TPCN2: variants seen among roughly 807,000 people sequenced by gnomAD.
TPCN2 encodes the protein two pore segment channel 2, also known as two pore channel protein 2.
In TPCN2, 92 loss-of-function variants were observed where a neutral mutation model predicts 111.4. The observed-to-expected ratio is 0.83, with a 90% CI of 0.70 to 0.98. The LOEUF (loss-of-function observed/expected upper bound fraction) is 0.98, where lower values mean the gene tolerates loss of function less well. TPCN2 is among the 50% of genes least tolerant of loss of function. The pLI is 0.00. For missense variants in TPCN2, 995 were observed against 980.1 expected (o/e 1.02, Z -0.20); for synonymous variants, 405 against 414.5 (o/e 0.98, Z 0.28).
Position 69,086,589 on chromosome 11 carries a change from G to A in TPCN2, c.2070G>A (p.Leu690=), listed in dbSNP as rs1293992632. ...VSSVIWVNLF[L]ALILENFLHK... ...CTGTCATCTGGGTCAACCTGTTTCT[G>A]GCCCTGATTCTGGAGGTATCAGAGA... Residue 690 remains leucine, a synonymous_variant, in exon 23 of 25, where the codon CTG becomes CTA. Coordinates refer to ENST00000294309, the MANE Select transcript of TPCN2 (RefSeq NM_139075.4). 1 of 1,614,040 alleles carries A rather than the reference G, an allele frequency of 6.2e-7. No homozygotes were observed.
At chr11:69,086,386 A>G in intron 22 of TPCN2, 137 bp from the exon 23 acceptor site, 1 of 736,062 alleles carries the variant, frequency 1.4e-6, no homozygotes, top group Non-Finnish European at 2.4e-6. Flanking sequence ...TGAGATGGAA[A>G]TAGTAACGCG....
Position 69,051,427 on chromosome 11 carries a change from A to G in TPCN2, c.109+2321A>G, listed in dbSNP as rs1197832693. On this transcript the variant is annotated intron_variant, in intron 1 of 24. Transcript: ENST00000294309. Reference sequence around the variant, plus strand: ...GTCATTCAGTCTGTACTTAGCTCCTATTGGGTGGGGGTCCATGAGGACCTG... The same window carrying G: ...GTCATTCAGTCTGTACTTAGCTCCTGTTGGGTGGGGGTCCATGAGGACCTG... 2.6e-5 allele frequency among the ~76,000 whole-genome samples: 4 copies of G among 152,296 alleles called. No individual in the cohort carries two copies. In the East Asian group the frequency reaches 7.7e-4, roughly 29 times the overall value.
At position 69,057,690 on chromosome 11, in the gene TPCN2, A is replaced by C. The variant is rs201454554; in HGVS notation, c.542A>C (p.His181Pro). 1 of 1,613,826 alleles carries C rather than the reference A, an allele frequency of 6.2e-7. No homozygotes were observed. Among genetic ancestry groups the C allele is most frequent in the African/African-American group, 1.3e-5 (1 of 74,922 alleles). The change falls in exon 5 of 25, where the codon CAT (histidine) becomes CCT (proline). Residue 181 changes from histidine to proline, a missense_variant. Physicochemically the swap from His to Pro is moderately conservative, Grantham distance 77. Coordinates refer to ENST00000294309, the MANE Select transcript of TPCN2 (RefSeq NM_139075.4). ...DWTVSLSLVC[H>P]EPLRIRRLLR... ...ACCGTGTCCCTGAGTCTCGTGTGTC[A>C]TGAGGTAGGTGGTGAGGCAGCCCTG...
At chr11:69,087,266 G>C (rs1334130797) in intron 24 of TPCN2, 60 bp downstream of exon 24, 3 of 1,501,798 alleles carry the variant, frequency 2.0e-6, no homozygotes, top group Non-Finnish European at 2.8e-6. Context: ...CAAGAGCTGG[G>C]GGGTGGAGGG....
rs1480091045 is a variant in TPCN2, at chr11:69,079,860, G to T, written c.1566G>T (p.Val522=). 1 of 1,613,802 alleles carries T rather than the reference G, an allele frequency of 6.2e-7. No individual in the cohort carries two copies. The highest frequency in any genetic ancestry group is 1.7e-5 in the Admixed American group (1 of 60,006). ...LLVLEISTLA[V]YRLPHPGWRP... ...TTTTGGAGATCTCAACTCTGGCTGTGTACCGATTGCCACACCCAGGCTGGT... is the reference window on the plus strand; with the variant it reads ...TTTTGGAGATCTCAACTCTGGCTGTTTACCGATTGCCACACCCAGGCTGGT... The change falls in exon 17 of 25, where the codon GTG becomes GTT. Residue 522 remains valine (V), a synonymous_variant. Transcript: ENST00000294309.
rs1224181901 is a variant in TPCN2 at position 69,089,307 on chromosome 11, A to G, written c.*1354A>G. On this transcript the variant is annotated 3_prime_UTR_variant, in exon 25 of 25. Coordinates refer to ENST00000294309, the MANE Select transcript of TPCN2 (RefSeq NM_139075.4). ...GCAAACTTGGAGAAAAGTTGTAAGC[A>G]CAGTAAAGAGAAGCTTCCTTCTGAG... 1 of 152,234 alleles carries G rather than the reference A, an allele frequency of 6.6e-6. No homozygotes were observed. The highest frequency in any genetic ancestry group is 1.5e-5 in the Non-Finnish European group (1 of 68,052). 9.4% of individuals were successfully genotyped at this position (152,234 alleles called of 1,614,324 possible). A position where few individuals can be genotyped will look rare whatever the true frequency, so the allele number is the denominator to read the frequency against.
In TPCN2 at chr11:69,054,594, C is replaced by T. The variant is rs563315890; in HGVS notation, c.175-127C>T. The stretch of plus-strand genomic sequence containing the variant: ...GATGGGTCAGGGCTGGCCATGTCCA[C>T]ACGCTGAAGCGTCCCCTGTGATCCA... On this transcript the variant is annotated intron_variant, in intron 2 of 24. Transcript: ENST00000294309. 385 of 876,984 alleles carry T rather than the reference C, an allele frequency of 4.4e-4. No homozygotes were observed. The Middle Eastern group carries it at 4.6e-3, about 11-fold the overall frequency. 54.3% of individuals were successfully genotyped at this position (876,984 alleles called of 1,614,324 possible).
intron 5 of TPCN2, among the ~76,000 whole-genome samples, chr11:69,059,802 G>A (rs1854939570): frequency 6.6e-6 from 1 of 152,234 alleles, no homozygotes; most frequent in South Asian, 2.1e-4. Flanking sequence ...ACAGATGAGC[G>A]ATGGTTGTGG....
intron 3 of TPCN2, 136 bp downstream of exon 3, chr11:69,054,933 C>T (rs574320509): frequency 1.1e-6 from 1 of 942,884 alleles, no homozygotes. Context: ...TTACCATCAT[C>T]CTCTCTGGAA....
intron 13 of TPCN2, among the ~76,000 whole-genome samples, chr11:69,073,334 C>T (rs1178495012): frequency 6.6e-6 from 1 of 152,242 alleles, no homozygotes; most frequent in Non-Finnish European, 1.5e-5. Flanking sequence ...AAGGCCTTTG[C>T]CTTTCACCCT....
chr11:69,085,343 G>GGGGGGGGGGGGGGT, intron 20 of TPCN2, 57 bp downstream of exon 20: 1 of 581,896 alleles, frequency 1.7e-6, no homozygotes, highest in Non-Finnish European at 3.4e-6. Flanking sequence ...GGGTGGGCGG[G>GGGGGGGGGGGGGGT]AAGCCTTGGC....
intron 13 of TPCN2, 44 bp downstream of exon 13, chr11:69,073,045 C>CCA (rs1855606337): frequency 7.1e-7 from 1 of 1,411,406 alleles, no homozygotes; most frequent in Non-Finnish European, 1.0e-6. Flanking sequence ...TGGGGGCCTT[C>CCA]CAGTTTCCCC....
Position 69,055,346 on chromosome 11 carries a change from T to A in TPCN2, c.423T>A (p.Ser141=). 6.2e-7 allele frequency: 1 copy of A among 1,607,598 alleles called. No homozygotes were observed. The highest frequency in any genetic ancestry group is 8.5e-7 in the Non-Finnish European group (1 of 1,178,102). ...TGCTGGTCTTTGCGGCCGACCTCTC[T>A]GTGAAGGTGAGGCGGGCGCCAGGCC... ...LCLLVFAADL[S]VKGYLFGWAH... The change falls in exon 4 of 25, where the codon TCT becomes TCA. Residue 141 remains serine, a synonymous_variant. Transcript: ENST00000294309.
chr11:69,083,663 G>GTGA (rs2134637785), intron 18 of TPCN2, among the ~76,000 whole-genome samples: 1 of 152,310 alleles, frequency 6.6e-6, no homozygotes, highest in African/African-American at 2.4e-5. Flanking sequence ...GAGTGGGTGA[G>GTGA]TGAGTGCGTG....
chr11:69,088,842 C>G lies in TPCN2; in HGVS notation c.*889C>G, dbSNP rs910954086. ...GGTTTTCTCACTTCAGGGGCCAACCCACGCCCCCTTTCTGCTGAGGTTTGG... is the reference window on the plus strand; with the variant it reads ...GGTTTTCTCACTTCAGGGGCCAACCGACGCCCCCTTTCTGCTGAGGTTTGG... On this transcript the variant is annotated 3_prime_UTR_variant, in exon 25 of 25. Coordinates refer to ENST00000294309, the MANE Select transcript of TPCN2 (RefSeq NM_139075.4). 3.9e-5 allele frequency: 6 copies of G among 152,158 alleles called. No individual in the cohort carries two copies. The highest frequency in any genetic ancestry group is 1.4e-4 in the African/African-American group (6 of 41,394). 9.4% of individuals were successfully genotyped at this position (152,158 alleles called of 1,614,324 possible). A position where few individuals can be genotyped will look rare whatever the true frequency, so the allele number is the denominator to read the frequency against.
chr11:69,067,970 G>A (rs1855346920), intron 8 of TPCN2, among the ~76,000 whole-genome samples: 1 of 152,196 alleles, frequency 6.6e-6, no homozygotes, highest in Non-Finnish European at 1.5e-5. Flanking sequence ...AGTGGTCAGA[G>A]GGGTCTCCTG....
At chr11:69,064,925 ATGTC>A (rs1391571311) in intron 7 of TPCN2, among the ~76,000 whole-genome samples, 27 of 146,890 alleles carry the variant, frequency 1.8e-4, no homozygotes, top group Non-Finnish European at 3.3e-4. Context: ...TGGTGTCTGT[ATGTC>A]TGTGTGTGTG....
intron 4 of TPCN2, among the ~76,000 whole-genome samples, chr11:69,056,324 T>C (rs1427956314): frequency 6.6e-6 from 1 of 152,106 alleles, no homozygotes; most frequent in Non-Finnish European, 1.5e-5. Flanking sequence ...TGGATGCTGG[T>C]GTGTGTGATT....
At position 69,088,012 on chromosome 11, in the gene TPCN2, C is replaced by T; in HGVS notation, c.*59C>T. The T allele has an allele frequency of 6.7e-7, 1 of 1,487,664 alleles. No homozygotes were observed. The highest frequency in any genetic ancestry group is 9.1e-7 in the Non-Finnish European group (1 of 1,095,378). 92.2% of individuals were successfully genotyped at this position (1,487,664 alleles called of 1,614,324 possible). A position where few individuals can be genotyped will look rare whatever the true frequency, so the allele number is the denominator to read the frequency against. On this transcript the variant is annotated 3_prime_UTR_variant, in exon 25 of 25. Transcript: ENST00000294309. ...AGAGAGAGGCTGGCCTACACAGGTGCCCGTCATGGAAGAGGCGGCCATGCT... is the reference window on the plus strand; with the variant it reads ...AGAGAGAGGCTGGCCTACACAGGTGTCCGTCATGGAAGAGGCGGCCATGCT...
Sources: gnomAD v4.1 joint callset for allele counts (sites outside exome capture counted in the v4.1 genomes callset) on GRCh38, gnomAD v4.1.1 for gene constraint, MANE v1.5 for transcripts, NCBI Gene and HGNC (gene_info 2026-07-23, HGNC 2026-07-21) for gene names.